Variants in B4GALNT4 observed in about 807,000 individuals in gnomAD.
B4GALNT4 encodes the protein N-acetyl-beta-glucosaminyl-glycoprotein 4-beta-N-acetylgalactosaminyltransferase 1.
A neutral mutation model predicts 110.0 loss-of-function variants in B4GALNT4; 77 were observed. The ratio of observed to expected loss-of-function variants is 0.70; its 90% confidence interval spans 0.58 to 0.85. The LOEUF (loss-of-function observed/expected upper bound fraction) is 0.85, where lower values mean the gene tolerates loss of function less well. Among genes scored for constraint, B4GALNT4 ranks in the 40% least tolerant of loss-of-function variants. The pLI is 0.00. For synonymous variants in B4GALNT4, 785 were observed against 655.5 expected (o/e 1.20, Z -3.02); for missense variants, 1,575 against 1,506.0 (o/e 1.05, Z -0.76).
intron 2 of B4GALNT4, 144 bp from the exon 3 acceptor site, chr11:372,518 C>T (rs1846634968): frequency 2.6e-6 from 2 of 780,414 alleles, no homozygotes; most frequent in Non-Finnish European, 4.4e-6. Context: ...TGCCACAGGT[C>T]AGGGTTTGCA....
Position 377,166 on chromosome 11 carries a change from C to G in B4GALNT4, c.2043C>G (p.Asp681Glu). The G allele has an allele frequency of 1.3e-6, 2 of 1,563,374 alleles. No homozygotes were observed. The highest frequency in any genetic ancestry group is 1.7e-6 in the Non-Finnish European group (2 of 1,155,994). ...GACGCTGGCGTGAGGACGCCATCGA[C>G]TGGCAGCGCACGTTCAGCGTGGGCG... ...ALGRWREDAI[D>E]WQRTFSVGAV... The change falls in exon 14 of 20, where the codon GAC becomes GAG. Residue 681 changes from aspartate (D) to glutamate (E), a missense_variant. Physicochemically the swap from Asp to Glu is conservative, Grantham distance 45 (BLOSUM62 2). Coordinates refer to ENST00000329962, the MANE Select transcript of B4GALNT4 (RefSeq NM_178537.5).
intron 1 of B4GALNT4, among the ~76,000 whole-genome samples, 200 bp downstream of exon 1, chr11:370,154 G>A (rs1846591673): frequency 6.6e-6 from 1 of 151,730 alleles, no homozygotes; most frequent in South Asian, 2.1e-4. Flanking sequence ...TGCGATTTGG[G>A]GGGAGGGGGC....
Position 376,294 on chromosome 11 carries a change from G to A in B4GALNT4, c.1240G>A (p.Asp414Asn), listed in dbSNP as rs538659021. The change falls in exon 13 of 20, where the codon GAT (aspartate) becomes AAT (asparagine). Residue 414 changes from aspartate (D) to asparagine (N), a missense_variant. By Grantham distance (23) the Asp-to-Asn change is conservative. Coordinates refer to ENST00000329962, the MANE Select transcript of B4GALNT4 (RefSeq NM_178537.5). Reference sequence around the variant, plus strand: ...CATGAAGATGGACAAGGAGGAGGGGGATGAGGATGAAGAAGACGAGGTGCA... The same window carrying A: ...CATGAAGATGGACAAGGAGGAGGGGAATGAGGATGAAGAAGACGAGGTGCA... ...KYMKMDKEEG[D>N]EDEEDEVQRR... The A allele has an allele frequency of 1.2e-5, 19 of 1,610,504 alleles. No homozygotes were observed. In the African/African-American group the frequency reaches 2.1e-4, roughly 18 times the overall value.
intron 17 of B4GALNT4, 39 bp from the exon 18 acceptor site, chr11:380,253 G>T: frequency 6.2e-7 from 1 of 1,609,374 alleles, no homozygotes; most frequent in Non-Finnish European, 8.5e-7. Flanking sequence ...TGCCCGGGGA[G>T]GAGCGGAGGG....
At position 379,897 on chromosome 11, in the gene B4GALNT4, C is replaced by G. The variant is rs199911656; in HGVS notation, c.2520C>G (p.Phe840Leu). 36 of 1,608,004 alleles carry G rather than the reference C, an allele frequency of 2.2e-5. No homozygotes were observed. The highest frequency in any genetic ancestry group is 3.0e-5 in the Non-Finnish European group (35 of 1,178,760). Residue 840 changes from phenylalanine (F) to leucine (L), a missense_variant, in exon 16 of 20, where the codon TTC becomes TTG. By Grantham distance (22) the Phe-to-Leu change is conservative. Coordinates refer to ENST00000329962, the MANE Select transcript of B4GALNT4 (RefSeq NM_178537.5). ...VKNQARWVAQ[F>L]LADMAALHAR... is the part of the protein sequence containing the mutation. ...ACCAGGCACGGTGGGTGGCACAGTT[C>G]CTGGCGGACATGGCTGCGCTGCACG...
At chr11:380,651 G>T (rs1056117264) in intron 18 of B4GALNT4, 174 bp from the exon 19 acceptor site, 25 of 1,282,556 alleles carry the variant, frequency 1.9e-5, no homozygotes, top group Admixed American at 3.7e-5. Flanking sequence ...AGTATCCCGC[G>T]TTTATGCACC....
chr11:375,701 G>T lies in B4GALNT4; in HGVS notation c.913G>T (p.Gly305Trp). ...HVPQSPASHV[G>W]GRPPQEETSA... ...CCCCCAGTCTCCAGCCAGCCACGTG[G>T]GGGGGCGTCCGCCGCAGGAGGAGAC... The change falls in exon 10 of 20, where the codon GGG becomes TGG. Residue 305 changes from glycine (G) to tryptophan (W), a missense_variant. By Grantham distance (184) the Gly-to-Trp change is radical. Coordinates refer to ENST00000329962, the MANE Select transcript of B4GALNT4 (RefSeq NM_178537.5). 2 of 1,594,632 alleles carry T rather than the reference G, an allele frequency of 1.3e-6. No homozygotes were observed. The highest frequency in any genetic ancestry group is 1.7e-6 in the Non-Finnish European group (2 of 1,175,144).
At position 375,868 on chromosome 11, in the gene B4GALNT4, G is replaced by T. The variant is rs1225090599; in HGVS notation, c.1007G>T (p.Ser336Ile). ...FFLTPRMESS[S>I]LENVLEPCAY... ...GCAGCTCCACGCATGGAATCTTCGA[G>T]CCTGGAGAACGTGCTGGAGCCCTGC... is the stretch of plus-strand genomic sequence containing the variant. The change falls in exon 11 of 20, where the codon AGC becomes ATC. Residue 336 changes from serine to isoleucine, a missense_variant. Ser to Ile is a moderately radical substitution (Grantham distance 142). Transcript: ENST00000329962. 19 of 1,610,982 alleles carry T rather than the reference G, an allele frequency of 1.2e-5. No homozygotes were observed. The highest frequency in any genetic ancestry group is 2.7e-5 in the African/African-American group (2 of 74,822).
intron 7 of B4GALNT4, 81 bp from the exon 8 acceptor site, chr11:373,669 T>G: frequency 6.5e-7 from 1 of 1,541,958 alleles, no homozygotes; most frequent in South Asian, 1.1e-5. Context: ...CTGAGGGGTG[T>G]GGGAGCCACC....
At chr11:371,890 C>T (rs1339510151) in intron 1 of B4GALNT4, among the ~76,000 whole-genome samples, 1 of 152,236 alleles carries the variant, frequency 6.6e-6, no homozygotes, top group East Asian at 1.9e-4. Flanking sequence ...GCCTGGGCTG[C>T]CCCACCAGAG....
Position 376,069 on chromosome 11 carries a change from C to A in B4GALNT4, c.1096-5C>A. On this transcript the variant is annotated splice_region_variant and splice_polypyrimidine_tract_variant and intron_variant, in intron 11 of 19. Transcript: ENST00000329962. ...CCCTGAGCCCTGCGCCCCCCCACCC[C>A]CCAGGTGTACCTGTCCTTCGTTTAT... 6.2e-7 allele frequency: 1 copy of A among 1,609,536 alleles called. No individual in the cohort carries two copies. Among genetic ancestry groups the A allele is most frequent in the Non-Finnish European group, 8.5e-7 (1 of 1,177,458 alleles).
intron 14 of B4GALNT4, 23 bp downstream of exon 14, chr11:377,350 G>T: frequency 2.0e-6 from 3 of 1,478,806 alleles, no homozygotes; most frequent in Non-Finnish European, 1.8e-6. Context: ...CCGAACGCGC[G>T]CCAGGGCGGT....
chr11:376,624 G>T lies in B4GALNT4; in HGVS notation c.1501G>T (p.Ala501Ser). Residue 501 changes from alanine to serine, a missense_variant, in exon 14 of 20, where the codon GCC becomes TCC. Physicochemically the swap from Ala to Ser is moderately conservative, Grantham distance 99. Coordinates refer to ENST00000329962, the MANE Select transcript of B4GALNT4 (RefSeq NM_178537.5). ...SRALSWAARA[A>S]RPLPLFLGRA... Reference sequence around the variant, plus strand: ...GGCCCTGAGCTGGGCCGCCAGGGCCGCCCGCCCTTTGCCGCTCTTCTTGGG... The same window carrying T: ...GGCCCTGAGCTGGGCCGCCAGGGCCTCCCGCCCTTTGCCGCTCTTCTTGGG... 4.3e-6 allele frequency: 6 copies of T among 1,408,524 alleles called. No homozygotes were observed. The highest frequency in any genetic ancestry group is 1.4e-5 in the South Asian group (1 of 72,012). The allele number at this position is 1,408,524 out of a possible 1,614,324, so 87.3% of individuals were successfully genotyped here. A position where few individuals can be genotyped will look rare whatever the true frequency, so the allele number is the denominator to read the frequency against.
chr11:375,744 G>T lies in B4GALNT4; in HGVS notation c.956G>T (p.Arg319Leu). 1 of 1,596,328 alleles carries T rather than the reference G, an allele frequency of 6.3e-7. No homozygotes were observed. ...GAGGAGACCAGCGCAGACATGCTGC[G>T]GCCAGATCCCAGGGATACCTTTTTC... is the stretch of plus-strand genomic sequence containing the variant. ...PQEETSADML[R>L]PDPRDTFFLT... The change falls in exon 10 of 20, where the codon CGG becomes CTG. Residue 319 changes from arginine to leucine, a missense_variant. Transcript: ENST00000329962.
intron 9 of B4GALNT4, 34 bp from the exon 10 acceptor site, chr11:375,605 G>T (rs373642562): frequency 4.4e-6 from 7 of 1,598,390 alleles, no homozygotes; most frequent in South Asian, 3.3e-5. Flanking sequence ...GGAGGAGGGG[G>T]TCTGAGCACT....
Position 369,772 on chromosome 11 carries a change from G to C in B4GALNT4, c.-32G>C, listed in dbSNP as rs1405644998. 2 of 970,134 alleles carry C rather than the reference G, an allele frequency of 2.1e-6. No homozygotes were observed. The highest frequency in any genetic ancestry group is 2.3e-4 in the East Asian group (2 of 8,520). 60.1% of individuals were successfully genotyped at this position (970,134 alleles called of 1,614,324 possible). A position where few individuals can be genotyped will look rare whatever the true frequency, so the allele number is the denominator to read the frequency against. ...GGCCGGGGGCTGCAGCGGCGCCGCT[G>C]AGCGCGGCCTGGGGCGGGCGCGGCG... On this transcript the variant is annotated 5_prime_UTR_variant, in exon 1 of 20. An upstream open reading frame in the 5' UTR loses its in-frame stop. Transcript: ENST00000329962.
intron 14 of B4GALNT4, among the ~76,000 whole-genome samples, chr11:379,077 C>T (rs942187950): frequency 6.6e-6 from 1 of 152,172 alleles, no homozygotes; most frequent in Non-Finnish European, 1.5e-5. Context: ...GTCCTATGGG[C>T]GGTGGCTAAC....
chr11:380,106 G>A, intron 16 of B4GALNT4, 24 bp from the exon 17 acceptor site: 1 of 1,595,076 alleles, frequency 6.3e-7, no homozygotes, highest in Non-Finnish European at 8.6e-7. Context: ...CCCAGAGATC[G>A]TGCCTGTGAC....
intron 16 of B4GALNT4, 23 bp downstream of exon 16, chr11:380,042 G>A (rs1846841238): frequency 8.1e-6 from 13 of 1,607,982 alleles, no homozygotes; most frequent in Non-Finnish European, 1.1e-5. Flanking sequence ...ACTTCCACCT[G>A]GGCGGACCCA....
Sources: gnomAD v4.1 joint callset for allele counts (sites outside exome capture counted in the v4.1 genomes callset) on GRCh38, gnomAD v4.1.1 for gene constraint, MANE v1.5 for transcripts, NCBI Gene and HGNC (gene_info 2026-07-23, HGNC 2026-07-21) for gene names.